KCNMA1: variants seen among roughly 807,000 people sequenced by gnomAD.
KCNMA1 encodes the protein potassium calcium-activated channel subfamily M alpha 1.
Under a neutral mutation model 140.0 loss-of-function variants are expected in KCNMA1, and 29 were observed. That is an observed-to-expected ratio of 0.21 (90% CI 0.15 to 0.28). The LOEUF is 0.28. KCNMA1 is among the 10% of genes least tolerant of loss of function. The pLI, the probability that KCNMA1 is intolerant of heterozygous loss-of-function variation, is 1.00. For synonymous variants in KCNMA1, 612 were observed against 611.9 expected (o/e 1.00, Z 0.00); for missense variants, 880 against 1,602.2 (o/e 0.55, Z 7.70).
At chr10:77,000,329 C>T (rs925989711) in intron 19 of KCNMA1, among the ~76,000 whole-genome samples, 1 of 152,298 alleles carries the variant, frequency 6.6e-6, no homozygotes, top group Non-Finnish European at 1.5e-5. Context: ...TCCAGTGGAA[C>T]CACAGCCTTT....
intron 10 of KCNMA1, 128 bp downstream of exon 10, chr10:77,090,272 T>C (rs545227481): frequency 1.9e-5 from 14 of 755,932 alleles, no homozygotes; most frequent in Non-Finnish European, 2.7e-5. Context: ...AAAGGGATCA[T>C]GGCTTACCCA....
intron 2 of KCNMA1, among the ~76,000 whole-genome samples, chr10:77,353,945 C>T (rs2093186416): frequency 7.0e-6 from 1 of 142,530 alleles, no homozygotes; most frequent in South Asian, 2.3e-4. Context: ...TTTTCTTCAA[C>T]CCCATGGCAT....
chr10:77,257,083 G>A (rs11002097), intron 2 of KCNMA1, among the ~76,000 whole-genome samples: 13,252 of 152,158 alleles, frequency 0.087, 804 homozygotes, highest in Middle Eastern at 0.18. Flanking sequence ...ACACTCCAAC[G>A]TGGGTGACAA....
chr10:77,595,282 G>T (rs1486407418), intron 1 of KCNMA1, among the ~76,000 whole-genome samples: 1 of 148,966 alleles, frequency 6.7e-6, no homozygotes, highest in Non-Finnish European at 1.5e-5. Flanking sequence ...GGGAAGTGGA[G>T]GTTGCAGTGA....
rs568531694 is a variant in KCNMA1, at chr10:77,553,644, G to T, written c.378+83621C>A. ...CTCAGGGGCATCCCACACCCAGAAA[G>T]CTGCTTCTACTTCAAGCCTACTCCC... On this transcript the variant is annotated intron_variant, in intron 1 of 27. Transcript: ENST00000286628. 3.9e-5 allele frequency among the ~76,000 whole-genome samples: 6 copies of T among 152,330 alleles called. No individual in the cohort carries two copies. In the South Asian group the frequency reaches 1.0e-3, roughly 26 times the overall value.
intron 2 of KCNMA1, among the ~76,000 whole-genome samples, chr10:77,384,922 C>T (rs2095550145): frequency 6.6e-6 from 1 of 152,200 alleles, no homozygotes; most frequent in South Asian, 2.1e-4. Flanking sequence ...CCTGGGTCAT[C>T]GAGTCATGAG....
At chr10:76,890,867 GA>G (rs2039707669) in intron 26 of KCNMA1, among the ~76,000 whole-genome samples, 1 of 152,218 alleles carries the variant, frequency 6.6e-6, no homozygotes, top group Non-Finnish European at 1.5e-5. Context: ...TCCACTCTCA[GA>G]AATTACAAGG....
intron 14 of KCNMA1, among the ~76,000 whole-genome samples, chr10:77,068,567 C>T (rs1172453147): frequency 1.3e-5 from 2 of 151,844 alleles, no homozygotes; most frequent in Non-Finnish European, 2.9e-5. Context: ...AACATTTCAC[C>T]CGCAAATTCC....
intron 1 of KCNMA1, among the ~76,000 whole-genome samples, chr10:77,499,455 A>ACACG (rs1250378420): frequency 6.6e-6 from 1 of 151,052 alleles, no homozygotes; most frequent in African/African-American, 2.4e-5. Flanking sequence ...ACACACACAC[A>ACACG]CATATATATA....
intron 1 of KCNMA1, among the ~76,000 whole-genome samples, chr10:77,609,904 C>T (rs1415058266): frequency 2.0e-5 from 3 of 152,194 alleles, no homozygotes; most frequent in South Asian, 2.1e-4. Context: ...TGGACAAAAC[C>T]TTCCATAGCA....
At chr10:77,313,206 G>C (rs1602153644) in intron 2 of KCNMA1, among the ~76,000 whole-genome samples, 1 of 152,158 alleles carries the variant, frequency 6.6e-6, no homozygotes, top group Admixed American at 6.5e-5. Context: ...TTAAACGCTA[G>C]CATAAAGCTG....
rs911116630 is a variant in KCNMA1, at chr10:77,265,543, C to A, written c.541-14287G>T. On this transcript the variant is annotated intron_variant, in intron 2 of 27. Coordinates refer to ENST00000286628, the MANE Select transcript of KCNMA1 (RefSeq NM_001161352.2). ...GGTATGTGCCATTTGGACAAAATCT[C>A]TTTAATATATCTATAAAAATATACT... Among the ~76,000 whole-genome samples the A allele has an allele frequency of 4.6e-5, 7 of 152,146 alleles. No homozygotes were observed. The East Asian group carries it at 1.3e-3, about 29-fold the overall frequency.
chr10:77,193,907 C>A (rs561230149), intron 3 of KCNMA1, among the ~76,000 whole-genome samples: 1 of 152,306 alleles, frequency 6.6e-6, no homozygotes, highest in African/African-American at 2.4e-5. Context: ...GGAATTTAGT[C>A]CTAGGGAAAC....
At chr10:76,916,271 G>A (rs1444269673) in intron 23 of KCNMA1, among the ~76,000 whole-genome samples, 1 of 152,020 alleles carries the variant, frequency 6.6e-6, no homozygotes. Context: ...CAGCCTGCTT[G>A]GTCTCTGATT....
Position 76,937,511 on chromosome 10 carries a change from A to G in KCNMA1, c.2902+7262T>C, listed in dbSNP as rs549122169. On this transcript the variant is annotated intron_variant, in intron 23 of 27. Transcript: ENST00000286628. ...CTTTACTGATCATTTGAAAATTAAC[A>G]TGCAGAGGTCCTCAATGCATTCTGT... 6.6e-4 allele frequency among the ~76,000 whole-genome samples: 100 copies of G among 152,354 alleles called. 1 individual carries two copies. Among genetic ancestry groups the G allele is most frequent in the African/African-American group, 2.3e-3 (95 of 41,582 alleles).
At chr10:77,353,800 G>C (rs779584216) in intron 2 of KCNMA1, among the ~76,000 whole-genome samples, 1 of 152,164 alleles carries the variant, frequency 6.6e-6, no homozygotes, top group Non-Finnish European at 1.5e-5. Flanking sequence ...GCAATTACCT[G>C]AATGACAGAT....
intron 1 of KCNMA1, among the ~76,000 whole-genome samples, chr10:77,514,309 T>C (rs1468504118): frequency 1.3e-5 from 2 of 152,198 alleles, no homozygotes; most frequent in South Asian, 2.1e-4. Flanking sequence ...TAGAAAATAC[T>C]GGCAAGGGGG....
intron 5 of KCNMA1, among the ~76,000 whole-genome samples, chr10:77,173,146 G>T (rs1245316659): frequency 2.0e-5 from 3 of 152,154 alleles, no homozygotes; most frequent in Non-Finnish European, 4.4e-5. Context: ...TAAAAACATG[G>T]ATTGTTTTTA....
chr10:77,474,403 A>G (rs1030137531), intron 1 of KCNMA1, among the ~76,000 whole-genome samples: 4 of 152,220 alleles, frequency 2.6e-5, no homozygotes, highest in Admixed American at 1.3e-4. Flanking sequence ...CATGGACAGA[A>G]AAAAGACCAT....
Sources: allele counts gnomAD v4.1 joint callset (sites outside exome capture counted in the v4.1 genomes callset), GRCh38; gene constraint gnomAD v4.1.1; transcripts MANE v1.5; gene names NCBI Gene and HGNC (gene_info 2026-07-23, HGNC 2026-07-21).